Variants in FAM228B observed in about 807,000 individuals in gnomAD.
The protein encoded by FAM228B is family with sequence similarity 228 member B.
In FAM228B, 38 loss-of-function variants were observed where a neutral mutation model predicts 42.6. The observed-to-expected ratio is 0.89, with a 90% confidence interval of 0.69 to 1.17. The LOEUF (loss-of-function observed/expected upper bound fraction) is 1.17, where lower values mean the gene tolerates loss of function less well. FAM228B is among the 50% of genes most tolerant of loss of function. FAM228B has a pLI of 0.00. For synonymous variants in FAM228B, 109 were observed against 122.3 expected, an observed-to-expected ratio of 0.89 and a Z score of 0.72; for missense variants, 344 against 367.3, an observed-to-expected ratio of 0.94 and a Z score of 0.52.
At chr2:24,149,579 C>T (rs4665664) in intron 7 of FAM228B, among the ~76,000 whole-genome samples, 83,762 of 151,950 alleles carry the variant, frequency 0.55, 23,989 homozygotes, top group East Asian at 0.74. Flanking sequence ...ACTACAGGCA[C>T]ATGCCACCAC....
At position 24,111,271 on chromosome 2, in the gene FAM228B, G is replaced by A. The variant is rs369607675; in HGVS notation, c.-121+16042G>A. On this transcript the variant is annotated intron_variant, in intron 3 of 10. Coordinates refer to the FAM228B transcript ENST00000613899. ...GACAAGATCTTGCTATGTTGCCCAG[G>A]CTGATTTCGAACTCCTGGGCTCAGG... Among the ~76,000 whole-genome samples the A allele has an allele frequency of 3.3e-5, 5 of 152,126 alleles. No individual in the cohort carries two copies. In the East Asian group the frequency reaches 5.8e-4, roughly 18 times the overall value.
In FAM228B at chr2:24,137,969, T is replaced by C. The variant is rs1666629933; in HGVS notation, c.229T>C (p.Tyr77His). 5.2e-6 allele frequency: 8 copies of C among 1,547,344 alleles called. No homozygotes were observed. The South Asian group carries it at 7.3e-5, about 14-fold the overall frequency. Residue 77 changes from tyrosine to histidine, a missense_variant, in exon 4 of 11, where the codon TAT becomes CAT. Tyr to His is a moderately conservative substitution (Grantham distance 83). Transcript: ENST00000615575. Reference protein sequence around the residue: ...FLNARRKEMLYKRWVDCVADP... With the variant: ...FLNARRKEMLHKRWVDCVADP... ...AAATGCAAGAAGAAAGGAGATGTTA[T>C]ATAAAAGATGGGTTGACTGTGTGGC...
At chr2:24,120,114 C>T (rs1164876902), upstream of FAM228B, among the ~76,000 whole-genome samples, 1 of 151,994 alleles carries the variant, frequency 6.6e-6, no homozygotes, top group Non-Finnish European at 1.5e-5. Flanking sequence ...ACTAAAAATA[C>T]AAAAATTAGC....
At chr2:24,102,894 A>G (rs751828958) in intron 3 of FAM228B, among the ~76,000 whole-genome samples, 1 of 152,240 alleles carries the variant, frequency 6.6e-6, no homozygotes, top group Non-Finnish European at 1.5e-5. Context: ...TGTATCAGAA[A>G]AAGTTTCTCA....
chr2:24,150,694 G>C (rs980707556), intron 7 of FAM228B, among the ~76,000 whole-genome samples: 3 of 152,064 alleles, frequency 2.0e-5, no homozygotes, highest in Non-Finnish European at 4.4e-5. Flanking sequence ...CAAAATCCTC[G>C]GATTACAGGC....
chr2:24,112,085 CAAAG>C (rs1412306338), intron 3 of FAM228B, among the ~76,000 whole-genome samples: 3 of 151,992 alleles, frequency 2.0e-5, no homozygotes, highest in Non-Finnish European at 2.9e-5. Context: ...AAATATCTAA[CAAAG>C]AACAATATAA....
At chr2:24,086,013 A>G (rs1404290783) in intron 2 of FAM228B, among the ~76,000 whole-genome samples, 2 of 152,198 alleles carry the variant, frequency 1.3e-5, no homozygotes, top group East Asian at 3.8e-4. Context: ...AGGCGGGCGG[A>G]TCACGAGGTC....
rs769350426 is a variant in FAM228B at position 24,139,367 on chromosome 2, T to C, written c.361-3T>C. The C allele has an allele frequency of 2.0e-6, 3 of 1,520,922 alleles. No individual in the cohort carries two copies. The South Asian group carries it at 3.6e-5, about 18-fold the overall frequency. 94.2% of individuals were successfully genotyped at this position (1,520,922 alleles called of 1,614,324 possible). A position where few individuals can be genotyped will look rare whatever the true frequency, so the allele number is the denominator to read the frequency against. ...TGTGTATCGTTTTATTTCCTTGCTA[T>C]AGGGAAATGCATTTATAGAACATTA... On this transcript the variant is annotated splice_polypyrimidine_tract_variant and splice_region_variant and intron_variant, in intron 4 of 10. Transcript: ENST00000615575.
At chr2:24,117,935 A>C (rs1331471964) in intron 3 of FAM228B, among the ~76,000 whole-genome samples, 1 of 152,186 alleles carries the variant, frequency 6.6e-6, no homozygotes, top group Non-Finnish European at 1.5e-5. Flanking sequence ...TTCCCAGAGC[A>C]GTGGGATATT....
chr2:24,138,704 C>G (rs1057259903), intron 4 of FAM228B, among the ~76,000 whole-genome samples: 1 of 150,868 alleles, frequency 6.6e-6, no homozygotes, highest in Non-Finnish European at 1.5e-5. Context: ...ACCTGTAATC[C>G]CAGCACTTTG....
chr2:24,112,551 C>T (rs546806638), intron 3 of FAM228B, among the ~76,000 whole-genome samples: 92 of 152,244 alleles, frequency 6.0e-4, no homozygotes, highest in Non-Finnish European at 5.9e-5. Context: ...ATCCGCCAGC[C>T]TCAGTCTCCC....
At chr2:24,122,532 T>A (rs781433910), upstream of FAM228B, 2 of 1,606,118 alleles carry the variant, frequency 1.2e-6, no homozygotes, top group Non-Finnish European at 1.7e-6. Context: ...TGCAAATGGC[T>A]CATGTTCCCT....
At position 24,126,964 on chromosome 2, in the gene FAM228B, T is replaced by C. The variant is rs542193019; in HGVS notation, c.99+2504T>C. On this transcript the variant is annotated intron_variant, in intron 2 of 10. Coordinates refer to ENST00000615575, the MANE Select transcript of FAM228B (RefSeq NM_001145710.2). Reference sequence around the variant, plus strand: ...CTAAAGTGTACAATTCAGTGTTTTTTATTTTTTTTTAAATTCAGAATTTTT... The same window carrying C: ...CTAAAGTGTACAATTCAGTGTTTTTCATTTTTTTTTAAATTCAGAATTTTT... Among the ~76,000 whole-genome samples, 13 of 152,332 alleles carry C rather than the reference T, an allele frequency of 8.5e-5. No individual in the cohort carries two copies. In the South Asian group the frequency reaches 2.7e-3, roughly 32 times the overall value.
intron 7 of FAM228B, among the ~76,000 whole-genome samples, chr2:24,154,326 C>G (rs1259896501): frequency 1.3e-5 from 2 of 152,210 alleles, no homozygotes; most frequent in African/African-American, 4.8e-5. Context: ...TTGCCATATA[C>G]TATTTTCACA....
chr2:24,093,474 C>T (rs977721170), intron 2 of FAM228B, among the ~76,000 whole-genome samples: 2 of 152,190 alleles, frequency 1.3e-5, no homozygotes, highest in South Asian at 2.1e-4. Flanking sequence ...CTGCAAAGGA[C>T]ATGAACTCAC....
intron 5 of FAM228B, among the ~76,000 whole-genome samples, chr2:24,145,105 C>G (rs1025401152): frequency 6.6e-6 from 1 of 152,156 alleles, no homozygotes; most frequent in Non-Finnish European, 1.5e-5. Context: ...GGTTCAAGAA[C>G]CTGCCCATCC....
At chr2:24,114,620 GCTGT>G (rs1345850287) in intron 3 of FAM228B, among the ~76,000 whole-genome samples, 1 of 152,086 alleles carries the variant, frequency 6.6e-6, no homozygotes, top group African/African-American at 2.4e-5. Flanking sequence ...AATTCCCTAG[GCTGT>G]CTTTTTTTAA....
At chr2:24,167,206 G>C (rs1300498161) in intron 9 of FAM228B, among the ~76,000 whole-genome samples, 2 of 152,184 alleles carry the variant, frequency 1.3e-5, no homozygotes, top group East Asian at 3.9e-4. Flanking sequence ...GAGGGCTCCA[G>C]GCTCCAGCGT....
intron 3 of FAM228B, among the ~76,000 whole-genome samples, chr2:24,114,031 G>C (rs919386311): frequency 6.6e-6 from 1 of 152,190 alleles, no homozygotes; most frequent in East Asian, 1.9e-4. Context: ...GAAAAGGAAT[G>C]ATGTTGGAAG....
Sources: allele counts gnomAD v4.1 joint callset (sites outside exome capture counted in the v4.1 genomes callset), GRCh38; gene constraint gnomAD v4.1.1; transcripts MANE v1.5; gene names NCBI Gene and HGNC (gene_info 2026-07-23, HGNC 2026-07-21).